The following IFNLR1 variants were observed in gnomAD, a reference collection of about 807,000 sequenced individuals.
The protein encoded by IFNLR1 is CRF2-12.
A neutral mutation model predicts 52.5 loss-of-function variants in IFNLR1; 28 were observed. The ratio of observed to expected loss-of-function variants is 0.53; its 90% confidence interval spans 0.40 to 0.73. IFNLR1 has a LOEUF of 0.73. IFNLR1 is among the 30% of genes least tolerant of loss of function. The pLI, the probability that IFNLR1 is intolerant of heterozygous loss-of-function variation, is 0.00. For missense variants in IFNLR1, 623 were observed against 659.1 expected, an observed-to-expected ratio of 0.95 and a Z score of 0.60; for synonymous variants, 276 against 274.9, an observed-to-expected ratio of 1.00 and a Z score of -0.04.
At chr1:24,162,715 CTTTCTTTCT>C (rs761083491) in intron 3 of IFNLR1, among the ~76,000 whole-genome samples, 638 of 36,684 alleles carry the variant, frequency 0.017, 110 homozygotes, top group African/African-American at 0.031. Context: ...TCTTTTCTTT[CTTTCTTTCT>C]TTTCTTTCTT....
chr1:24,180,035 G>A (rs943748385), intron 2 of IFNLR1, among the ~76,000 whole-genome samples: 5 of 152,166 alleles, frequency 3.3e-5, no homozygotes, highest in African/African-American at 9.6e-5. Flanking sequence ...GGTGGCTTAC[G>A]CCTGTAATCC....
Position 24,156,799 on chromosome 1 carries a change from C to A in IFNLR1, c.*331G>T. 1 of 328,940 alleles carries A rather than the reference C, an allele frequency of 3.0e-6. No homozygotes were observed. Among genetic ancestry groups the A allele is most frequent in the Non-Finnish European group, 5.6e-6 (1 of 179,800 alleles). 20.4% of individuals were successfully genotyped at this position (328,940 alleles called of 1,614,324 possible). ...CCCTTGATGTCCGCAGTGACCTGAC[C>A]TCACCTGTTTCATGTTGTCCGGGGA... is the stretch of plus-strand genomic sequence containing the variant. On this transcript the variant is annotated 3_prime_UTR_variant, in exon 7 of 7. Transcript: ENST00000327535.
intron 6 of IFNLR1, 119 bp downstream of exon 6, chr1:24,158,933 T>C (rs1644409845): frequency 3.0e-6 from 3 of 1,014,902 alleles, no homozygotes; most frequent in Middle Eastern, 3.3e-4. Context: ...CAAAGATAGA[T>C]GTTTTGGTCC....
chr1:24,179,630 C>T (rs1002807715), intron 2 of IFNLR1, among the ~76,000 whole-genome samples: 1 of 152,196 alleles, frequency 6.6e-6, no homozygotes, highest in Admixed American at 6.5e-5. Context: ...GGCTCCATGA[C>T]GTCCTTCCTC....
At chr1:24,173,401 C>T in intron 2 of IFNLR1, among the ~76,000 whole-genome samples, 1 of 152,128 alleles carries the variant, frequency 6.6e-6, no homozygotes, top group East Asian at 1.9e-4. Context: ...CTACTACATA[C>T]TCACTAGAAT....
intron 1 of IFNLR1, among the ~76,000 whole-genome samples, chr1:24,186,165 G>A (rs1644736243): frequency 2.0e-5 from 3 of 152,158 alleles, no homozygotes; most frequent in Admixed American, 1.3e-4. Flanking sequence ...CACAGAGAAC[G>A]CTGCTGTGGG....
chr1:24,162,831 T>TTTTCTTTCTTTC lies in IFNLR1; in HGVS notation c.368-1159_368-1148dup, dbSNP rs71029518. On this transcript the variant is annotated intron_variant, in intron 3 of 6. Transcript: ENST00000327535. Reference sequence around the variant, plus strand: ...TCTTTCTTTTTTTCTTCTTTCTTTCTTTTCTTTCTTTCTTTCTTTCTTTCT... The same window carrying TTTTCTTTCTTTC: ...TCTTTCTTTTTTTCTTCTTTCTTTCTTTTCTTTCTTTCTTTCTTTCTTTCTTTCTTTCTTTCT... Among the ~76,000 whole-genome samples, 48 of 33,844 alleles carry TTTTCTTTCTTTC rather than the reference T, an allele frequency of 1.4e-3. 2 individuals are homozygous for TTTTCTTTCTTTC. Among genetic ancestry groups the TTTTCTTTCTTTC allele is most frequent in the Middle Eastern group, 0.014 (1 of 70 alleles). 22.2% of individuals were successfully genotyped at this position (33,844 alleles called of 152,430 possible).
intron 3 of IFNLR1, among the ~76,000 whole-genome samples, chr1:24,163,866 G>A (rs11249015): frequency 0.63 from 95,204 of 151,782 alleles, 30,718 homozygotes; most frequent in Non-Finnish European, 0.7. Flanking sequence ...GGTGTGGGCT[G>A]GGATTACCCA....
intron 3 of IFNLR1, among the ~76,000 whole-genome samples, chr1:24,162,859 C>CT (rs751008403): frequency 4.0e-5 from 3 of 74,976 alleles, no homozygotes; most frequent in Non-Finnish European, 7.8e-5. Context: ...TTCTTTCTTT[C>CT]TTTCTTTCTT....
chr1:24,161,178 G>A (rs1644439379), intron 4 of IFNLR1, among the ~76,000 whole-genome samples: 3 of 152,216 alleles, frequency 2.0e-5, no homozygotes, highest in Admixed American at 1.3e-4. Context: ...CTTCGGGAAA[G>A]TCTGCCAGCC....
chr1:24,159,100 G>A lies in IFNLR1; in HGVS notation c.753C>T (p.Thr251=), dbSNP rs1300043773. ...GCTGAAACCAGGGGTTCCCCATGAGGGTCTTCCAGATCACACCCCCTGCGG... is the reference window on the plus strand; with the variant it reads ...GCTGAAACCAGGGGTTCCCCATGAGAGTCTTCCAGATCACACCCCCTGCGG... ...VIAAGGVIWK[T]LMGNPWFQRA... is the part of the protein sequence containing the mutation. Residue 251 remains threonine, a synonymous_variant, in exon 6 of 7, where the codon ACC becomes ACT. Transcript: ENST00000327535. 6.2e-7 allele frequency: 1 copy of A among 1,613,934 alleles called. No individual in the cohort carries two copies. Among genetic ancestry groups the A allele is most frequent in the African/African-American group, 1.3e-5 (1 of 74,878 alleles).
intron 2 of IFNLR1, 130 bp from the exon 3 acceptor site, chr1:24,169,731 G>T: frequency 1.1e-6 from 1 of 912,542 alleles, no homozygotes; most frequent in Non-Finnish European, 1.6e-6. Flanking sequence ...CAGACAGGCA[G>T]CCACTGGCTG....
At chr1:24,158,692 C>T (rs563837838) in intron 6 of IFNLR1, among the ~76,000 whole-genome samples, 41 of 152,302 alleles carry the variant, frequency 2.7e-4, no homozygotes, top group African/African-American at 7.5e-4. Context: ...AAAGTGTGAA[C>T]TAAAAATTGG....
chr1:24,158,019 G>T (rs1483305093), intron 6 of IFNLR1, 128 bp from the exon 7 acceptor site: 11 of 902,064 alleles, frequency 1.2e-5, no homozygotes, highest in Non-Finnish European at 1.8e-5. Context: ...TTTGGGAGAT[G>T]ATCCCAGAAC....
rs138283126 is a variant in IFNLR1 at position 24,175,409 on chromosome 1, T to C, written c.182+5322A>G. ...GAATTTGCCCTGCGAGGTTTTAGACTTGCTTGGGACCTGTCACTCTTTCCT... is the reference window on the plus strand; with the variant it reads ...GAATTTGCCCTGCGAGGTTTTAGACCTGCTTGGGACCTGTCACTCTTTCCT... On this transcript the variant is annotated intron_variant, in intron 2 of 6. Transcript: ENST00000327535. Among the ~76,000 whole-genome samples, 1,114 of 152,328 alleles carry C rather than the reference T, an allele frequency of 7.3e-3. 23 individuals carry two copies. In the South Asian group the frequency reaches 0.08, roughly 11 times the overall value.
chr1:24,186,690 A>AAAC (rs1553163918), intron 1 of IFNLR1, among the ~76,000 whole-genome samples: 1 of 149,766 alleles, frequency 6.7e-6, no homozygotes, highest in African/African-American at 2.5e-5. Context: ...AACAACAACA[A>AAAC]AACAACAACA....
At chr1:24,176,985 A>G (rs753785583) in intron 2 of IFNLR1, among the ~76,000 whole-genome samples, 5 of 152,228 alleles carry the variant, frequency 3.3e-5, no homozygotes, top group Admixed American at 6.5e-5. Context: ...AAATCAAAAC[A>G]AGAGAATAGA....
At chr1:24,162,160 T>A (rs907328982) in intron 3 of IFNLR1, among the ~76,000 whole-genome samples, 1 of 152,222 alleles carries the variant, frequency 6.6e-6, no homozygotes, top group Admixed American at 6.5e-5. Context: ...CTGGAACCGA[T>A]GGGGGAGAAG....
chr1:24,172,596 T>C (rs1381087744), intron 2 of IFNLR1, among the ~76,000 whole-genome samples: 1 of 152,072 alleles, frequency 6.6e-6, no homozygotes, highest in Non-Finnish European at 1.5e-5. Context: ...TAAAAAAATA[T>C]GTAAAAGCTA....
Sources: allele counts gnomAD v4.1 joint callset (sites outside exome capture counted in the v4.1 genomes callset), GRCh38; gene constraint gnomAD v4.1.1; transcripts MANE v1.5; gene names NCBI Gene and HGNC (gene_info 2026-07-23, HGNC 2026-07-21).